The following FAM133A variants were observed in gnomAD, a reference collection of about 807,000 sequenced individuals.
The protein encoded by FAM133A is family with sequence similarity 133 member A.
For synonymous variants in FAM133A, 65 were observed against 58.6 expected (o/e 1.11, Z -0.50); for missense variants, 159 against 164.4 (o/e 0.97, Z 0.18).
chrX:93,707,891 T>C (rs1927140234), intron 3 of FAM133A, among the ~76,000 whole-genome samples: 1 of 112,152 alleles, frequency 8.9e-6, no homozygotes, highest in South Asian at 3.7e-4. Flanking sequence ...GTGAATAAGA[T>C]AGGCCACACA....
rs1927282677 is a variant in FAM133A at position 93,709,704 on chromosome X, A to C, written c.285A>C (p.Lys95Asn). ...ESSSKKRERKKKRKKKSCRSS... is the reference protein window; with the variant it reads ...ESSSKKRERKNKRKKKSCRSS... The stretch of plus-strand genomic sequence containing the variant: ...CATCTAAAAAAAGAGAAAGAAAGAA[A>C]AAGAGAAAGAAGAAATCTTGTCGGT... The change falls in exon 4 of 4, where the codon AAA becomes AAC. Residue 95 changes from lysine (K) to asparagine (N), a missense_variant. Lys to Asn is a moderately conservative substitution (Grantham distance 94). Coordinates refer to ENST00000683942, the MANE Select transcript of FAM133A (RefSeq NM_001171109.2). 8.3e-7 allele frequency: 1 copy of C among 1,197,666 alleles called. No homozygotes were observed. The highest frequency in any genetic ancestry group is 1.1e-6 in the Non-Finnish European group (1 of 890,461).
At chrX:93,689,272 C>A (rs1387294068) in intron 2 of FAM133A, among the ~76,000 whole-genome samples, 1 of 110,536 alleles carries the variant, frequency 9.0e-6, no homozygotes, top group Non-Finnish European at 1.9e-5. Context: ...AAACTCCTGA[C>A]CTCAGGTGAT....
chrX:93,710,295 T>C lies in FAM133A; in HGVS notation c.*129T>C. On this transcript the variant is annotated 3_prime_UTR_variant, in exon 4 of 4. Transcript: ENST00000683942. ...GCATAGTGGCTGCTGGCAACTTCAA[T>C]ATACATTTTTGTTTGTTTGCTTGTC... is the stretch of plus-strand genomic sequence containing the variant. 4.1e-6 allele frequency: 3 copies of C among 734,522 alleles called. No individual in the cohort carries two copies. Among genetic ancestry groups the C allele is most frequent in the Non-Finnish European group, 5.7e-6 (3 of 530,087 alleles). 60.5% of individuals were successfully genotyped at this position (734,522 alleles called of 1,213,427 possible).
intron 2 of FAM133A, among the ~76,000 whole-genome samples, chrX:93,683,222 AC>A (rs1175814981): frequency 9.0e-6 from 1 of 111,697 alleles, no homozygotes; most frequent in Non-Finnish European, 1.9e-5. Context: ...TGTTTATTTA[AC>A]CCTTTCATTT....
At chrX:93,675,350 CATTTA>C (rs1924610611) in intron 2 of FAM133A, among the ~76,000 whole-genome samples, 1 of 111,762 alleles carries the variant, frequency 8.9e-6, no homozygotes. Flanking sequence ...GTAATCTTTT[CATTTA>C]ATTTATCAAT....
In FAM133A at chrX:93,709,721, C is replaced by T. The variant is rs1436902814; in HGVS notation, c.302C>T (p.Ser101Phe). 65 of 1,193,721 alleles carry T rather than the reference C, an allele frequency of 5.4e-5. No homozygotes were observed. In the East Asian group the frequency reaches 1.9e-3, roughly 36 times the overall value. Residue 101 changes from serine (S) to phenylalanine (F), a missense_variant, in exon 4 of 4, where the codon TCT becomes TTT. By Grantham distance (155) the Ser-to-Phe change is radical. Transcript: ENST00000683942. ...RERKKKRKKK[S>F]CRSSSSSSSS... Reference sequence around the variant, plus strand: ...AGAAAGAAAAAGAGAAAGAAGAAATCTTGTCGGTCTTCATCTTCTTCATCA... The same window carrying T: ...AGAAAGAAAAAGAGAAAGAAGAAATTTTGTCGGTCTTCATCTTCTTCATCA...
chrX:93,696,945 G>A (rs1025095116), intron 2 of FAM133A, among the ~76,000 whole-genome samples: 1 of 109,330 alleles, frequency 9.1e-6, no homozygotes, highest in African/African-American at 3.3e-5. Context: ...AAAAGGTAGT[G>A]TAGGCTAGGG....
chrX:93,680,506 T>C (rs1925063153), intron 2 of FAM133A, among the ~76,000 whole-genome samples: 1 of 111,357 alleles, frequency 9.0e-6, no homozygotes, highest in Non-Finnish European at 1.9e-5. Context: ...CTTACAGTAG[T>C]TTTGAGGAAT....
At chrX:93,703,848 T>C (rs1023853257) in intron 3 of FAM133A, among the ~76,000 whole-genome samples, 2 of 112,393 alleles carry the variant, frequency 1.8e-5, no homozygotes, top group African/African-American at 6.5e-5. Flanking sequence ...TGTTTGTCAC[T>C]TGACAGTTCT....
chrX:93,682,501 AT>A (rs996984098), intron 2 of FAM133A, among the ~76,000 whole-genome samples: 2 of 112,127 alleles, frequency 1.8e-5, no homozygotes, highest in African/African-American at 6.5e-5. Flanking sequence ...GGACCAAGAT[AT>A]TTTCTTATTT....
At chrX:93,680,225 C>T (rs1446262815) in intron 2 of FAM133A, among the ~76,000 whole-genome samples, 2 of 110,770 alleles carry the variant, frequency 1.8e-5, no homozygotes, top group African/African-American at 6.6e-5. Context: ...GCTTATTTCA[C>T]TTAGCATATT....
At chrX:93,708,197 G>T (rs1315283254) in intron 3 of FAM133A, among the ~76,000 whole-genome samples, 1 of 111,938 alleles carries the variant, frequency 8.9e-6, no homozygotes, top group East Asian at 2.8e-4. Context: ...CCTGAAGGAT[G>T]AGGTGGAATT....
chrX:93,709,861 G>T lies in FAM133A; in HGVS notation c.442G>T (p.Glu148Ter). Residue 148 changes from glutamate (E) to a stop codon, truncating the protein, a stop_gained, in exon 4 of 4, where the codon GAA becomes TAA. Coordinates refer to ENST00000683942, the MANE Select transcript of FAM133A (RefSeq NM_001171109.2). LOFTEE classifies it low-confidence loss of function (END_TRUNC). ...CAAATCATCCCAAAGCTCTACGCAT[G>T]AATCAGAATCAGAGAGCAAGGAGTC... The part of the protein sequence containing the change: ...SYKSSQSSTH[E>*]SESESKESVK... 1 of 1,201,707 alleles carries T rather than the reference G, an allele frequency of 8.3e-7. No homozygotes were observed. The highest frequency in any genetic ancestry group is 2.2e-5 in the Admixed American group (1 of 44,921).
chrX:93,676,213 T>G (rs2147571321), intron 2 of FAM133A, among the ~76,000 whole-genome samples: 1 of 111,266 alleles, frequency 9.0e-6, no homozygotes, highest in East Asian at 2.8e-4. Flanking sequence ...GAGTCGGTTT[T>G]AAGATAACTT....
chrX:93,701,413 G>A lies in FAM133A; in HGVS notation c.-104+2928G>A, dbSNP rs766720314. Among the ~76,000 whole-genome samples, 3 of 111,861 alleles carry A rather than the reference G, an allele frequency of 2.7e-5. No individual in the cohort carries two copies. In the South Asian group the frequency reaches 1.1e-3, roughly 41 times the overall value. On this transcript the variant is annotated intron_variant, in intron 3 of 3. Coordinates refer to ENST00000683942, the MANE Select transcript of FAM133A (RefSeq NM_001171109.2). ...TAAATAGGAACTAGGACAATGGGCA[G>A]AGAACATAGGGCAAACCTTATTTGT... is the stretch of plus-strand genomic sequence containing the variant.
intron 2 of FAM133A, among the ~76,000 whole-genome samples, chrX:93,688,866 T>C (rs1925709650): frequency 9.1e-6 from 1 of 109,939 alleles, no homozygotes; most frequent in African/African-American, 3.3e-5. Context: ...AAATAAATAC[T>C]CTAAAAATTT....
intron 2 of FAM133A, among the ~76,000 whole-genome samples, chrX:93,696,545 A>G (rs1035396112): frequency 8.9e-6 from 1 of 111,962 alleles, no homozygotes; most frequent in African/African-American, 3.3e-5. Context: ...AGAAATGAGC[A>G]ATTATTTAAT....
At chrX:93,691,572 G>T (rs998290108) in intron 2 of FAM133A, among the ~76,000 whole-genome samples, 2 of 111,861 alleles carry the variant, frequency 1.8e-5, no homozygotes, top group Non-Finnish European at 3.8e-5. Context: ...GAAAGTATGA[G>T]TCATCCAATT....
At chrX:93,704,459 T>C (rs1159200852) in intron 3 of FAM133A, among the ~76,000 whole-genome samples, 6 of 111,564 alleles carry the variant, frequency 5.4e-5, no homozygotes, top group African/African-American at 1.9e-4. Context: ...TGTCCAGATA[T>C]TTGCAGAAGA....
Sources: gnomAD v4.1 joint callset for allele counts (sites outside exome capture counted in the v4.1 genomes callset) on GRCh38, gnomAD v4.1.1 for gene constraint, MANE v1.5 for transcripts, NCBI Gene and HGNC (gene_info 2026-07-23, HGNC 2026-07-21) for gene names.